TFPT: variants seen among roughly 807,000 people sequenced by gnomAD.
TFPT encodes TCF3 fusion partner.
A neutral mutation model predicts 28.8 loss-of-function variants in TFPT; 27 were observed. That is an observed-to-expected ratio of 0.94 (90% confidence interval 0.69 to 1.29). TFPT has a LOEUF of 1.29. Among genes scored for constraint, TFPT ranks in the 50% most tolerant of loss-of-function variants. The pLI is 0.00. For missense variants in TFPT, 330 were observed against 338.0 expected (o/e 0.98, Z 0.19); for synonymous variants, 152 against 142.8 (o/e 1.06, Z -0.46).
intron 2 of TFPT, among the ~76,000 whole-genome samples, chr19:54,111,200 G>C (rs1418253249): frequency 6.6e-6 from 1 of 152,182 alleles, no homozygotes; most frequent in East Asian, 1.9e-4. Flanking sequence ...CAGCCAAACA[G>C]GGACCCAAAG....
At chr19:54,114,242 A>G (rs1184463411) in intron 2 of TFPT, among the ~76,000 whole-genome samples, 200 bp downstream of exon 2, 2 of 152,200 alleles carry the variant, frequency 1.3e-5, no homozygotes, top group Non-Finnish European at 2.9e-5. Flanking sequence ...GTTGTCAGGG[A>G]AGCTCCACGG....
chr19:54,114,363 CATGTGGAAAGGCAGAGA>C, intron 2 of TFPT, 62 bp downstream of exon 2: 1 of 1,537,284 alleles, frequency 6.5e-7, no homozygotes, highest in East Asian at 2.3e-5. Flanking sequence ...AAAGGCTGGG[CATGTGGAAAGGCAGAGA>C]TTGCGGGGGG....
chr19:54,114,329 G>T, intron 2 of TFPT, 113 bp downstream of exon 2: 1 of 1,468,864 alleles, frequency 6.8e-7, no homozygotes. Flanking sequence ...TAAGCTAAAT[G>T]ACTGAATATA....
intron 2 of TFPT, among the ~76,000 whole-genome samples, chr19:54,113,081 G>A (rs958278417): frequency 9.0e-6 from 1 of 111,264 alleles, no homozygotes; most frequent in African/African-American, 3.6e-5. Context: ...AGACAAGAGC[G>A]AGACTCCACC....
intron 3 of TFPT, chr19:54,108,604 G>A: frequency 6.5e-7 from 1 of 1,541,850 alleles, no homozygotes; most frequent in Non-Finnish European, 8.8e-7. Flanking sequence ...TTCTGAGGCT[G>A]AGTTTCCTGC....
rs587674748 is a variant in TFPT, at chr19:54,115,599, G to A, written c.-330C>T. ...TAGCAGGATCGGTCCACAGCGGGACGTGAGTCCCTTTCCTCCTCGCGGCTT... is the reference window on the plus strand; with the variant it reads ...TAGCAGGATCGGTCCACAGCGGGACATGAGTCCCTTTCCTCCTCGCGGCTT... On this transcript the variant is annotated 5_prime_UTR_variant, in exon 1 of 6. The change creates a new upstream start codon in the 5' untranslated region. Transcript: ENST00000391759. 9.7e-4 allele frequency: 460 copies of A among 474,728 alleles called. 2 individuals carry two copies. Among genetic ancestry groups the A allele is most frequent in the Middle Eastern group, 4.5e-3 (8 of 1,776 alleles). 29.4% of individuals were successfully genotyped at this position (474,728 alleles called of 1,614,324 possible).
intron 1 of TFPT, 111 bp from the exon 2 acceptor site, chr19:54,114,811 A>T (rs1191078610): frequency 7.0e-7 from 1 of 1,434,924 alleles, no homozygotes; most frequent in African/African-American, 1.5e-5. Flanking sequence ...CCTAGAATCC[A>T]GGCCCCCAGC....
In TFPT at chr19:54,108,265, G is replaced by A. The variant is rs375231461; in HGVS notation, c.424-21C>T. On this transcript the variant is annotated intron_variant, in intron 4 of 5. Transcript: ENST00000391759. ...TCATCCTGGCAGGCAGGAGGGGGAG[G>A]TAGGTGATGGGTGGGTCCTGAGCTC... is the stretch of plus-strand genomic sequence containing the variant. 3.8e-6 allele frequency: 6 copies of A among 1,575,586 alleles called. No individual in the cohort carries two copies. In the African/African-American group the frequency reaches 6.8e-5, roughly 18 times the overall value.
chr19:54,107,379 G>A (rs1486845879), intron 5 of TFPT: 2 of 626,748 alleles, frequency 3.2e-6, no homozygotes, highest in Non-Finnish European at 5.4e-6. Context: ...TTCCCAAGTA[G>A]CTGGGACTAC....
In TFPT at chr19:54,115,371, G is replaced by A. The variant is rs368302120; in HGVS notation, c.-102C>T. ...ACTTGTCCCATCAGGCTCAGCAGCCGAGGACGGCGGGACGTGGCCCTAGGC... is the reference window on the plus strand; with the variant it reads ...ACTTGTCCCATCAGGCTCAGCAGCCAAGGACGGCGGGACGTGGCCCTAGGC... On this transcript the variant is annotated 5_prime_UTR_variant, in exon 1 of 6. Coordinates refer to ENST00000391759, the MANE Select transcript of TFPT (RefSeq NM_013342.4). 26 of 1,560,944 alleles carry A rather than the reference G, an allele frequency of 1.7e-5. No individual in the cohort carries two copies. In the African/African-American group the frequency reaches 3.4e-4, roughly 20 times the overall value.
rs1227376487 is a variant in TFPT at position 54,114,545 on chromosome 19, C to G, written c.179G>C (p.Arg60Pro). 2 of 1,613,952 alleles carry G rather than the reference C, an allele frequency of 1.2e-6. No individual in the cohort carries two copies. The highest frequency in any genetic ancestry group is 3.3e-5 in the Admixed American group (2 of 59,990). Residue 60 changes from arginine (R) to proline (P), a missense_variant, in exon 2 of 6, where the codon CGA (arginine) becomes CCA (proline). Arg to Pro is a moderately radical substitution (Grantham distance 103). Transcript: ENST00000391759. Reference sequence around the variant, plus strand: ...CCGGGCTGCCTCTTCCTCTTCATCTCGCTCCCGGAGCCCTGAGCCGCCCAG... The same window carrying G: ...CCGGGCTGCCTCTTCCTCTTCATCTGGCTCCCGGAGCCCTGAGCCGCCCAG... The part of the protein sequence containing the change: ...GGLGGSGLRE[R>P]DEEEEAARGR...
rs934992862 is a variant in TFPT at position 54,110,421 on chromosome 19, C to A, written c.283-300G>T. ...TGTTACCTGCTCAGAGAGCCTGAAC[C>A]TCCCATTAAGTCGAAACACACCAGG... On this transcript the variant is annotated intron_variant, in intron 2 of 5. Coordinates refer to ENST00000391759, the MANE Select transcript of TFPT (RefSeq NM_013342.4). Among the ~76,000 whole-genome samples the A allele has an allele frequency of 2.0e-5, 3 of 152,076 alleles. No homozygotes were observed. In the South Asian group the frequency reaches 6.2e-4, roughly 32 times the overall value.
Position 54,115,626 on chromosome 19 carries a change from C to T in TFPT, c.-357G>A. On this transcript the variant is annotated 5_prime_UTR_variant, in exon 1 of 6. Transcript: ENST00000391759. ...GAGTCCCTTTCCTCCTCGCGGCTTA[C>T]CGCCTCTCTCCGCCTAGTGCCAGGT... 2.4e-6 allele frequency: 1 copy of T among 418,130 alleles called. No individual in the cohort carries two copies. The highest frequency in any genetic ancestry group is 4.3e-6 in the Non-Finnish European group (1 of 231,028). 25.9% of individuals were successfully genotyped at this position (418,130 alleles called of 1,614,324 possible). A position where few individuals can be genotyped will look rare whatever the true frequency, so the allele number is the denominator to read the frequency against.
chr19:54,114,370 A>G (rs2073549669), intron 2 of TFPT, 72 bp downstream of exon 2: 2 of 1,547,732 alleles, frequency 1.3e-6, no homozygotes, highest in Admixed American at 3.9e-5. Context: ...GGGCATGTGG[A>G]AAGGCAGAGA....
chr19:54,111,933 T>C (rs1008692984), intron 2 of TFPT, among the ~76,000 whole-genome samples: 4 of 148,648 alleles, frequency 2.7e-5, no homozygotes, highest in African/African-American at 9.7e-5. Flanking sequence ...TGAGCTGAGA[T>C]TGCAGCATTG....
chr19:54,107,976 C>A (rs77147173), intron 5 of TFPT, 50 bp downstream of exon 5: 61,090 of 1,498,876 alleles, frequency 0.041, 1,366 homozygotes, highest in Non-Finnish European at 0.046. Context: ...CCTGCACTGG[C>A]GCCGGCTCTG....
intron 2 of TFPT, among the ~76,000 whole-genome samples, chr19:54,113,835 G>A (rs587680877): frequency 6.6e-6 from 1 of 152,246 alleles, no homozygotes; most frequent in Admixed American, 6.5e-5. Flanking sequence ...GCGACTACAG[G>A]TGCGCACCAC....
chr19:54,110,441 A>G (rs1222711001), intron 2 of TFPT, among the ~76,000 whole-genome samples: 1 of 152,076 alleles, frequency 6.6e-6, no homozygotes, highest in African/African-American at 2.4e-5. Flanking sequence ...GTCGAAACAC[A>G]CCAGGCCAGG....
intron 3 of TFPT, 164 bp from the exon 4 acceptor site, chr19:54,108,559 C>A: frequency 6.2e-7 from 1 of 1,604,736 alleles, no homozygotes; most frequent in Non-Finnish European, 8.5e-7. Flanking sequence ...ATGCCCTTGA[C>A]CAGCCTTGAG....
Sources: allele counts gnomAD v4.1 joint callset (sites outside exome capture counted in the v4.1 genomes callset), GRCh38; gene constraint gnomAD v4.1.1; transcripts MANE v1.5; gene names NCBI Gene and HGNC (gene_info 2026-07-23, HGNC 2026-07-21).